DNPH1: variants seen among roughly 807,000 people sequenced by gnomAD.
DNPH1 encodes the protein 5-hydroxymethyl-dUMP N-hydrolase.
A neutral mutation model predicts 15.7 loss-of-function variants in DNPH1; 18 were observed. That is an observed-to-expected ratio of 1.15 (90% CI 0.79 to 1.70). The LOEUF is 1.70. Among genes scored for constraint, DNPH1 ranks in the 40% most tolerant of loss-of-function variants. The probability of loss-of-function intolerance (pLI) is 0.00; values close to 1 mark genes in which losing one functional copy is unlikely to be tolerated. For synonymous variants in DNPH1, 114 were observed against 107.9 expected, an observed-to-expected ratio of 1.06 and a Z score of -0.35; for missense variants, 262 against 255.2, an observed-to-expected ratio of 1.03 and a Z score of -0.18.
intron 1 of DNPH1, among the ~76,000 whole-genome samples, chr6:43,227,221 T>C (rs554441658): frequency 1.1e-4 from 17 of 151,052 alleles, no homozygotes; most frequent in Admixed American, 2.0e-4. Flanking sequence ...TTGAGACCAG[T>C]CTGGCCAACA....
At chr6:43,227,127 C>T (rs1262869613) in intron 1 of DNPH1, among the ~76,000 whole-genome samples, 2 of 145,692 alleles carry the variant, frequency 1.4e-5, no homozygotes, top group African/African-American at 2.5e-5. Context: ...AGAAAAAGTA[C>T]AGATTCGGGC....
rs2150670342 is a variant in DNPH1, at chr6:43,229,346, C to T, written c.111G>A (p.Thr37=). Residue 37 remains threonine (T), a synonymous_variant, in exon 1 of 4, where the codon ACG becomes ACA. Transcript: ENST00000230431. ...GSIRGGREDR[T]LYERIVSRLR... Reference sequence around the variant, plus strand: ...GCCGAGACACGATCCGCTCGTACAGCGTCCTGTCCTCGCGTCCGCCGCGAA... The same window carrying T: ...GCCGAGACACGATCCGCTCGTACAGTGTCCTGTCCTCGCGTCCGCCGCGAA... 1.3e-6 allele frequency: 2 copies of T among 1,491,694 alleles called. No homozygotes were observed. The highest frequency in any genetic ancestry group is 2.3e-5 in the Admixed American group (1 of 44,320). The allele number at this position is 1,491,694 out of a possible 1,614,324, so 92.4% of individuals were successfully genotyped here.
chr6:43,226,945 AAAAATAC>A lies in DNPH1; in HGVS notation c.197-557_197-551del. ...AACATGGTGAAACCCCATCTTTACTAAAAATACAAAAATTAGCTGGGTGTGGTGGTGC... is the reference window on the plus strand; with the variant it reads ...AACATGGTGAAACCCCATCTTTACTAAAAAATTAGCTGGGTGTGGTGGTGC... On this transcript the variant is annotated intron_variant, in intron 1 of 3. Transcript: ENST00000230431. The surrounding 1 kb of genome is among the most constrained non-coding windows in gnomAD (Gnocchi z 4.1). Among the ~76,000 whole-genome samples, 1 of 151,868 alleles carries A rather than the reference AAAAATAC, an allele frequency of 6.6e-6. No individual in the cohort carries two copies. Among genetic ancestry groups the A allele is most frequent in the South Asian group, 2.1e-4 (1 of 4,816 alleles).
Position 43,225,894 on chromosome 6 carries a change from G to A in DNPH1, c.377-13C>T, listed in dbSNP as rs1209079153. On this transcript the variant is annotated splice_polypyrimidine_tract_variant and intron_variant, in intron 3 of 3. Transcript: ENST00000230431. ...ATGGCCGAAAGCACTGGAAAGGGCA[G>A]GGAAAGGTGAAGCTGCCTCCCATCC... is the stretch of plus-strand genomic sequence containing the variant. 3.7e-6 allele frequency: 6 copies of A among 1,614,178 alleles called. No individual in the cohort carries two copies. In the South Asian group the frequency reaches 4.4e-5, roughly 12 times the overall value.
rs372892770 is a variant in DNPH1, at chr6:43,226,455, G to C, written c.197-60C>G. The C allele has an allele frequency of 1.3e-6, 2 of 1,503,104 alleles. No individual in the cohort carries two copies. The highest frequency in any genetic ancestry group is 1.8e-6 in the Non-Finnish European group (2 of 1,109,626). The allele number at this position is 1,503,104 out of a possible 1,614,324, so 93.1% of individuals were successfully genotyped here. A position where few individuals can be genotyped will look rare whatever the true frequency, so the allele number is the denominator to read the frequency against. Reference sequence around the variant, plus strand: ...CATGCTGGCTCCCAGTAACTCCTATGCCCTTGTATGTCCATACCCACCCTG... The same window carrying C: ...CATGCTGGCTCCCAGTAACTCCTATCCCCTTGTATGTCCATACCCACCCTG... On this transcript the variant is annotated intron_variant, in intron 1 of 3. Transcript: ENST00000230431. The surrounding 1 kb of genome is among the most constrained non-coding windows in gnomAD (Gnocchi z 4.1).
At position 43,225,661 on chromosome 6, in the gene DNPH1, C is replaced by T. The variant is rs764789885; in HGVS notation, c.*72G>A. The T allele has an allele frequency of 6.4e-7, 1 of 1,570,300 alleles. No homozygotes were observed. The highest frequency in any genetic ancestry group is 1.1e-5 in the South Asian group (1 of 89,186). ...TTTAACTGTACCTTTTAATTTGCTC[C>T]TGGGGCTAAGAGGAAGGAATGGTAC... On this transcript the variant is annotated 3_prime_UTR_variant, in exon 4 of 4. Transcript: ENST00000230431.
chr6:43,229,138 AG>A, intron 1 of DNPH1, 122 bp downstream of exon 1: 1 of 1,021,146 alleles, frequency 9.8e-7, no homozygotes, highest in Non-Finnish European at 1.3e-6. Flanking sequence ...CCGGGGTAGG[AG>A]GGCGGGCTCC....
Position 43,225,769 on chromosome 6 carries a change from T to C in DNPH1, c.489A>G (p.Pro163=). The change falls in exon 4 of 4, where the codon CCA becomes CCG. Residue 163 remains proline (P), a synonymous_variant. Coordinates refer to ENST00000230431, the MANE Select transcript of DNPH1 (RefSeq NM_006443.3). The stretch of plus-strand genomic sequence containing the variant: ...GGTCAGGGGAGGCAGCCACCTGCCC[T>C]GGAGGATCAGCCTCGAAGTATCGAT... ...LLDRYFEADP[P]GQVAASPDPT... The C allele has an allele frequency of 6.2e-7, 1 of 1,614,202 alleles. No individual in the cohort carries two copies. Among genetic ancestry groups the C allele is most frequent in the Non-Finnish European group, 8.5e-7 (1 of 1,180,038 alleles).
chr6:43,229,410 C>A lies in DNPH1; in HGVS notation c.47G>T (p.Gly16Val), dbSNP rs774921547. 2.1e-6 allele frequency: 3 copies of A among 1,426,158 alleles called. No individual in the cohort carries two copies. The South Asian group carries it at 4.4e-5, about 21-fold the overall frequency. 88.3% of individuals were successfully genotyped at this position (1,426,158 alleles called of 1,614,324 possible). Residue 16 changes from glycine (G) to valine (V), a missense_variant, in exon 1 of 4, where the codon GGG (glycine) becomes GTG (valine). Transcript: ENST00000230431. Reference sequence around the variant, plus strand: ...GTACAGGGCCGGGCGGCCAGGCTCCCCGCGCTCCCAGCTCTCGCTGCGCCC... The same window carrying A: ...GTACAGGGCCGGGCGGCCAGGCTCCACGCGCTCCCAGCTCTCGCTGCGCCC... The part of the protein sequence containing the change: ...VPGRSESWER[G>V]EPGRPALYFC...
rs1204883110 is a variant in DNPH1, at chr6:43,226,045, G to T, written c.364C>A (p.Gln122Lys). 1.2e-6 allele frequency: 2 copies of T among 1,613,760 alleles called. No homozygotes were observed. The highest frequency in any genetic ancestry group is 1.7e-6 in the Non-Finnish European group (2 of 1,179,948). ...TTGGGGTGCTCACCGCGGCCAGACT[G>T]CGGGCGGAACAGGCACAGGATCCGC... ...NKRILCLFRPQSGRVLSAMIR... is the reference protein window; with the variant it reads ...NKRILCLFRPKSGRVLSAMIR... Residue 122 changes from glutamine (Q) to lysine (K), a missense_variant, in exon 3 of 4, where the codon CAG becomes AAG. Gln to Lys is a moderately conservative substitution (Grantham distance 53). Coordinates refer to ENST00000230431, the MANE Select transcript of DNPH1 (RefSeq NM_006443.3). This position sits in a 1 kb window ranked among gnomAD's most constrained non-coding sequence, Gnocchi z 4.1.
rs1334411224 is a variant in DNPH1, at chr6:43,229,248, C to G, written c.196+13G>C. On this transcript the variant is annotated intron_variant, in intron 1 of 3. Transcript: ENST00000230431. ...CGCCCGCGTCCCCGCGTCCCGCGGC[C>G]CCAGGGCCTCACCGCGCGCGCCCAG... 1 of 1,394,930 alleles carries G rather than the reference C, an allele frequency of 7.2e-7. No homozygotes were observed. The highest frequency in any genetic ancestry group is 1.5e-5 in the African/African-American group (1 of 66,448). 86.4% of individuals were successfully genotyped at this position (1,394,930 alleles called of 1,614,324 possible).
rs1223785912 is a variant in DNPH1, at chr6:43,229,270, C to T, written c.187G>A (p.Gly63Ser). 1.4e-6 allele frequency: 2 copies of T among 1,427,644 alleles called. No individual in the cohort carries two copies. Among genetic ancestry groups the T allele is most frequent in the Non-Finnish European group, 9.2e-7 (1 of 1,088,994 alleles). 88.4% of individuals were successfully genotyped at this position (1,427,644 alleles called of 1,614,324 possible). The change falls in exon 1 of 4, where the codon GGC (glycine) becomes AGC (serine). Residue 63 changes from glycine (G) to serine (S), a missense_variant. Coordinates refer to ENST00000230431, the MANE Select transcript of DNPH1 (RefSeq NM_006443.3). ...GGCCCCAGGGCCTCACCGCGCGCGC[C>T]CAGCTCGGCGGCCGCCACGTGCTCG... ...LTEHVAAAELGARGEEAAGGD... is the reference protein window; with the variant it reads ...LTEHVAAAELSARGEEAAGGD...
rs1292452704 is a variant in DNPH1 at position 43,226,141 on chromosome 6, C to T, written c.268G>A (p.Val90Ile). The T allele has an allele frequency of 6.2e-7, 1 of 1,612,998 alleles. No individual in the cohort carries two copies. The highest frequency in any genetic ancestry group is 1.3e-5 in the African/African-American group (1 of 74,918). Reference sequence around the variant, plus strand: ...GATGGCTGTGTCACTTCTGCCACGACCACTGGGAGGAAAGATGAGAGGAAG... The same window carrying T: ...GATGGCTGTGTCACTTCTGCCACGATCACTGGGAGGAAAGATGAGAGGAAG... ...DLEWLQQADV[V>I]VAEVTQPSLG... The change falls in exon 3 of 4, where the codon GTC (valine) becomes ATC (isoleucine). Residue 90 changes from valine to isoleucine, a missense_variant and splice_region_variant. Physicochemically the swap from Val to Ile is conservative, Grantham distance 29. Transcript: ENST00000230431. The surrounding 1 kb of genome is among the most constrained non-coding windows in gnomAD (Gnocchi z 4.1).
Position 43,225,795 on chromosome 6 carries a change from CCAG to C in DNPH1, c.460_462del (p.Leu154del), listed in dbSNP as rs774972563. 31 of 1,614,098 alleles carry C rather than the reference CCAG, an allele frequency of 1.9e-5. No homozygotes were observed. The highest frequency in any genetic ancestry group is 2.5e-5 in the Non-Finnish European group (30 of 1,180,058). On this transcript the variant is annotated inframe_deletion, in exon 4 of 4. Transcript: ENST00000230431. The stretch of plus-strand genomic sequence containing the variant: ...GGAGGATCAGCCTCGAAGTATCGAT[CCAG>C]CAGGGCCTCCACCTCTCCCTCCTCA...
Position 43,229,464 on chromosome 6 carries a change from C to G in DNPH1, c.-8G>C. On this transcript the variant is annotated 5_prime_UTR_variant, in exon 1 of 4. Transcript: ENST00000230431. Reference sequence around the variant, plus strand: ...CACCATGGCAGCAGCCATTCCCCAGCCGCCCGCGCTCTCCGGCGCCAGGGG... The same window carrying G: ...CACCATGGCAGCAGCCATTCCCCAGGCGCCCGCGCTCTCCGGCGCCAGGGG... 2 of 1,289,672 alleles carry G rather than the reference C, an allele frequency of 1.6e-6. No individual in the cohort carries two copies. Among genetic ancestry groups the G allele is most frequent in the Non-Finnish European group, 2.0e-6 (2 of 1,021,030 alleles). The allele number at this position is 1,289,672 out of a possible 1,614,324, so 79.9% of individuals were successfully genotyped here.
chr6:43,229,441 C>G lies in DNPH1; in HGVS notation c.16G>C (p.Val6Leu). The change falls in exon 1 of 4, where the codon GTG becomes CTG. Residue 6 changes from valine to leucine, a missense_variant. Transcript: ENST00000230431. MAAAM[V>L]PGRSESWERG... ...TCCCAGCTCTCGCTGCGCCCCGGCA[C>G]CATGGCAGCAGCCATTCCCCAGCCG... 4 of 1,351,522 alleles carry G rather than the reference C, an allele frequency of 3.0e-6. No homozygotes were observed. Among genetic ancestry groups the G allele is most frequent in the Non-Finnish European group, 3.8e-6 (4 of 1,049,438 alleles). The allele number at this position is 1,351,522 out of a possible 1,614,324, so 83.7% of individuals were successfully genotyped here. A position where few individuals can be genotyped will look rare whatever the true frequency, so the allele number is the denominator to read the frequency against.
rs115467948 is a variant in DNPH1 at position 43,225,676 on chromosome 6, A to G, written c.*57T>C. On this transcript the variant is annotated 3_prime_UTR_variant, in exon 4 of 4. Transcript: ENST00000230431. ...TAATTTGCTCCTGGGGCTAAGAGGAAGGAATGGTACTAGAGCAGTGTCTGA... is the reference window on the plus strand; with the variant it reads ...TAATTTGCTCCTGGGGCTAAGAGGAGGGAATGGTACTAGAGCAGTGTCTGA... The G allele has an allele frequency of 1.0e-3, 1,655 of 1,590,820 alleles. 20 individuals are homozygous for G. In the African/African-American group the frequency reaches 0.02, roughly 19 times the overall value.
At chr6:43,229,178 CG>C (rs545987408) in intron 1 of DNPH1, 82 bp downstream of exon 1, 99 of 1,251,616 alleles carry the variant, frequency 7.9e-5, no homozygotes, top group South Asian at 5.3e-4. Context: ...TGCCGGGGGT[CG>C]GGGGGGCGGA....
chr6:43,229,107 G>T, intron 1 of DNPH1, 154 bp downstream of exon 1: 8 of 807,650 alleles, frequency 9.9e-6, no homozygotes, highest in South Asian at 1.5e-5. Flanking sequence ...TCCTTCTCGG[G>T]CTGGGGCGCT....
Sources: gnomAD v4.1 joint callset for allele counts (sites outside exome capture counted in the v4.1 genomes callset) on GRCh38, gnomAD v4.1.1 for gene constraint, Gnocchi (gnomAD v3.1) non-coding constraint, MANE v1.5 for transcripts, NCBI Gene and HGNC (gene_info 2026-07-23, HGNC 2026-07-21) for gene names.